Variants in CRLF1 observed in about 807,000 individuals in gnomAD.
The protein encoded by CRLF1 is cytokine receptor like factor 1.
In CRLF1, 36 loss-of-function variants were observed where a neutral mutation model predicts 48.9. The observed-to-expected ratio is 0.74, with a 90% CI of 0.56 to 0.97. The LOEUF (loss-of-function observed/expected upper bound fraction) is 0.97. Among genes scored for constraint, CRLF1 ranks in the 50% least tolerant of loss-of-function variants. The pLI is 0.00. For synonymous variants in CRLF1, 256 were observed against 253.4 expected (o/e 1.01, Z -0.10); for missense variants, 534 against 575.1 (o/e 0.93, Z 0.73).
intron 6 of CRLF1, among the ~76,000 whole-genome samples, chr19:18,596,313 C>T (rs1264137981): frequency 6.6e-6 from 1 of 152,082 alleles, no homozygotes; most frequent in Admixed American, 6.6e-5. Flanking sequence ...CCGAAATGGG[C>T]AGATCACCCG....
At chr19:18,603,732 G>A (rs1976249057) in intron 1 of CRLF1, among the ~76,000 whole-genome samples, 1 of 152,310 alleles carries the variant, frequency 6.6e-6, no homozygotes, top group African/African-American at 2.4e-5. Flanking sequence ...GGCCGGCCCT[G>A]ATGATTTTCC....
At chr19:18,594,133 G>T in intron 7 of CRLF1, 26 bp from the exon 8 acceptor site, 1 of 1,584,358 alleles carries the variant, frequency 6.3e-7, no homozygotes, top group Admixed American at 1.8e-5. Context: ...AGGCAGAGGT[G>T]TCGTGGGGGC....
chr19:18,596,627 CG>C lies in CRLF1; in HGVS notation c.1018del (p.Arg340AlafsTer86). The C allele has an allele frequency of 6.2e-7, 1 of 1,613,882 alleles. No individual in the cohort carries two copies. ...AGCCCTAGGAGGGTGCTCACCACTGCGGGGAGTGGAGGCGGCTGTGGGGTGG... is the reference window on the plus strand; with the variant it reads ...AGCCCTAGGAGGGTGCTCACCACTGCGGGAGTGGAGGCGGCTGTGGGGTGG... ...WSHPTAASTP[R>X]SERPGPGGGA... On this transcript the variant is annotated frameshift_variant, in exon 6 of 9. Coordinates refer to ENST00000392386, the MANE Select transcript of CRLF1 (RefSeq NM_004750.5). LOFTEE classifies it high-confidence loss of function.
At chr19:18,600,284 C>T (rs1040191083) in intron 1 of CRLF1, among the ~76,000 whole-genome samples, 3 of 152,026 alleles carry the variant, frequency 2.0e-5, no homozygotes, top group South Asian at 2.1e-4. Context: ...CTGCAACCTC[C>T]GCCTCCCGGG....
intron 6 of CRLF1, among the ~76,000 whole-genome samples, chr19:18,595,765 G>A (rs1178990411): frequency 6.6e-6 from 1 of 152,242 alleles, no homozygotes; most frequent in Non-Finnish European, 1.5e-5. Flanking sequence ...TTTCACAAAA[G>A]AGAGACTAGA....
In CRLF1 at chr19:18,606,504, T is replaced by G. The variant is rs1207363011; in HGVS notation, c.115+38A>C. ...TGCCCCCGGGGCGCCCGCCCTCTGC[T>G]CTGGCAGGGGGGAAGGAGTGGGGCG... On this transcript the variant is annotated intron_variant, in intron 1 of 8. Coordinates refer to ENST00000392386, the MANE Select transcript of CRLF1 (RefSeq NM_004750.5). The surrounding 1 kb of genome is among the most constrained non-coding windows in gnomAD (Gnocchi z 4.8). 8.8e-7 allele frequency: 1 copy of G among 1,131,854 alleles called. No homozygotes were observed. Among genetic ancestry groups the G allele is most frequent in the East Asian group, 4.3e-5 (1 of 23,378 alleles). The allele number at this position is 1,131,854 out of a possible 1,614,324, so 70.1% of individuals were successfully genotyped here.
chr19:18,594,128 G>C, intron 7 of CRLF1, 21 bp from the exon 8 acceptor site: 1 of 1,581,646 alleles, frequency 6.3e-7, no homozygotes, highest in South Asian at 1.1e-5. Flanking sequence ...AAGGAAGGCA[G>C]AGGTGTCGTG....
chr19:18,599,530 G>T (rs755940352), intron 2 of CRLF1, 35 bp downstream of exon 2: 1 of 1,611,408 alleles, frequency 6.2e-7, no homozygotes, highest in Non-Finnish European at 8.5e-7. Context: ...CCGCTCCCAA[G>T]AGCTACCCCT....
At position 18,596,674 on chromosome 19, in the gene CRLF1, G is replaced by A. The variant is rs758698603; in HGVS notation, c.972C>T (p.Ala324=). 3.3e-5 allele frequency: 53 copies of A among 1,613,940 alleles called. No homozygotes were observed. The highest frequency in any genetic ancestry group is 5.3e-5 in the African/African-American group (4 of 74,926). The change falls in exon 6 of 9, where the codon GCC becomes GCT. Residue 324 remains alanine, a synonymous_variant. Transcript: ENST00000392386. ...GGTGGCTCCACTCACTCCAGATCCC[G>A]GCTTTCTTGGAGCCATAGATGCCAA... ...NPFGIYGSKK[A]GIWSEWSHPT...
intron 1 of CRLF1, among the ~76,000 whole-genome samples, chr19:18,601,616 C>T (rs1976222186): frequency 6.6e-6 from 1 of 151,996 alleles, no homozygotes; most frequent in South Asian, 2.1e-4. Flanking sequence ...GTTGGCCAGG[C>T]TGGTCTCGAA....
chr19:18,599,508 C>T (rs1600653667), intron 2 of CRLF1, 57 bp downstream of exon 2: 9 of 1,608,384 alleles, frequency 5.6e-6, no homozygotes, highest in Non-Finnish European at 7.6e-6. Context: ...TGCCTCACTC[C>T]AGAGGGAGAT....
chr19:18,594,032 T>A, intron 8 of CRLF1, 33 bp downstream of exon 8: 3 of 695,802 alleles, frequency 4.3e-6, no homozygotes, highest in South Asian at 1.8e-5. Context: ...CTCCCCTTGC[T>A]CCCTCCCGCC....
Position 18,594,238 on chromosome 19 carries a change from C to G in CRLF1, c.1212+9G>C, listed in dbSNP as rs746251721. On this transcript the variant is annotated intron_variant, in intron 7 of 8. Transcript: ENST00000392386. Reference sequence around the variant, plus strand: ...CCCACCCCCACGCCCGAGGGTCCCTCCTTCCTACCTGGTTGCGGGTCTTGT... The same window carrying G: ...CCCACCCCCACGCCCGAGGGTCCCTGCTTCCTACCTGGTTGCGGGTCTTGT... 3 of 1,612,618 alleles carry G rather than the reference C, an allele frequency of 1.9e-6. No individual in the cohort carries two copies. The highest frequency in any genetic ancestry group is 1.6e-4 in the Middle Eastern group (1 of 6,062).
rs1235981639 is a variant in CRLF1 at position 18,593,505 on chromosome 19, C to CA, written c.*60dup. On this transcript the variant is annotated 3_prime_UTR_variant, in exon 9 of 9. Transcript: ENST00000392386. ...TGAAGTGAGGGTACAGAGGTGGCCC[C>CA]AGTTTGGGTTCGGCCTCTGCGTCTC... 4 of 1,601,906 alleles carry CA rather than the reference C, an allele frequency of 2.5e-6. No individual in the cohort carries two copies. The African/African-American group carries it at 5.3e-5, about 21-fold the overall frequency.
chr19:18,604,864 C>T (rs1976268955), intron 1 of CRLF1, among the ~76,000 whole-genome samples: 1 of 152,148 alleles, frequency 6.6e-6, no homozygotes, highest in African/African-American at 2.4e-5. Context: ...CTCCTCTTTT[C>T]CCAATCTGGA....
intron 6 of CRLF1, among the ~76,000 whole-genome samples, chr19:18,595,534 G>A (rs941725079): frequency 2.6e-5 from 4 of 152,200 alleles, no homozygotes; most frequent in African/African-American, 9.7e-5. Context: ...CCTCACCTGA[G>A]AAAAAGCGGC....
At position 18,599,723 on chromosome 19, in the gene CRLF1, C is replaced by T. The variant is rs1170647652; in HGVS notation, c.239G>A (p.Gly80Glu). 1.2e-6 allele frequency: 2 copies of T among 1,607,864 alleles called. No individual in the cohort carries two copies. The highest frequency in any genetic ancestry group is 1.7e-4 in the Middle Eastern group (1 of 6,040). ...GGAGAGCTCAGGGGGCAGGCGGCGC[C>T]CGTTGAGGGTCCAGTAGAGGCCCTC... Reference protein sequence around the residue: ...TAEGLYWTLNGRRLPPELSRV... With the variant: ...TAEGLYWTLNERRLPPELSRV... Residue 80 changes from glycine (G) to glutamate (E), a missense_variant, in exon 2 of 9, where the codon GGG becomes GAG. By Grantham distance (98) the Gly-to-Glu change is moderately conservative (BLOSUM62 -2). Coordinates refer to ENST00000392386, the MANE Select transcript of CRLF1 (RefSeq NM_004750.5).
rs1334793935 is a variant in CRLF1 at position 18,606,523 on chromosome 19, T to C, written c.115+19A>G. 4 of 1,146,424 alleles carry C rather than the reference T, an allele frequency of 3.5e-6. No individual in the cohort carries two copies. The highest frequency in any genetic ancestry group is 4.3e-6 in the Non-Finnish European group (4 of 935,104). 71.0% of individuals were successfully genotyped at this position (1,146,424 alleles called of 1,614,324 possible). On this transcript the variant is annotated intron_variant, in intron 1 of 8. Transcript: ENST00000392386. The surrounding 1 kb of genome is among the most constrained non-coding windows in gnomAD (Gnocchi z 4.8). ...CTCTGCTCTGGCAGGGGGGAAGGAG[T>C]GGGGCGCCGGGTACTCACGGGCTCC... is the stretch of plus-strand genomic sequence containing the variant.
rs959781817 is a variant in CRLF1, at chr19:18,593,268, T to C, written c.*298A>G. 4 of 422,252 alleles carry C rather than the reference T, an allele frequency of 9.5e-6. No individual in the cohort carries two copies. Among genetic ancestry groups the C allele is most frequent in the Middle Eastern group, 6.3e-4 (1 of 1,588 alleles). 26.2% of individuals were successfully genotyped at this position (422,252 alleles called of 1,614,324 possible). The stretch of plus-strand genomic sequence containing the variant: ...AAATAGCTCATTTATTTAAAAGGAC[T>C]CTTTTGGAGGGGCCCTAGGTAATGG... On this transcript the variant is annotated 3_prime_UTR_variant, in exon 9 of 9. Coordinates refer to ENST00000392386, the MANE Select transcript of CRLF1 (RefSeq NM_004750.5).
Sources: gnomAD v4.1 joint callset for allele counts (sites outside exome capture counted in the v4.1 genomes callset) on GRCh38, gnomAD v4.1.1 for gene constraint, Gnocchi (gnomAD v3.1) non-coding constraint, MANE v1.5 for transcripts, NCBI Gene and HGNC (gene_info 2026-07-23, HGNC 2026-07-21) for gene names.